NRCAM: variants seen among roughly 807,000 people sequenced by gnomAD.
NRCAM encodes neuronal cell adhesion molecule.
In NRCAM, 83 loss-of-function variants were observed where a neutral mutation model predicts 156.5. The ratio of observed to expected loss-of-function variants is 0.53; its 90% CI spans 0.44 to 0.64. The LOEUF is 0.64. NRCAM is among the 30% of genes least tolerant of loss of function. The pLI is 0.00. For synonymous variants in NRCAM, 538 were observed against 563.9 expected, an observed-to-expected ratio of 0.95 and a Z score of 0.65; for missense variants, 1,417 against 1,597.3, an observed-to-expected ratio of 0.89 and a Z score of 1.92.
intron 22 of NRCAM, among the ~76,000 whole-genome samples, chr7:108,183,748 G>A (rs998442681): frequency 6.6e-6 from 1 of 152,058 alleles, no homozygotes; most frequent in South Asian, 2.1e-4. Flanking sequence ...TGTTGGTCAG[G>A]CTGGTCTCAA....
chr7:108,307,402 AG>A (rs1405654000), intron 3 of NRCAM, among the ~76,000 whole-genome samples: 2 of 152,240 alleles, frequency 1.3e-5, no homozygotes, highest in Non-Finnish European at 2.9e-5. Flanking sequence ...CCATGCTACA[AG>A]AAACAAAACC....
At chr7:108,358,757 C>G (rs962139294) in intron 2 of NRCAM, among the ~76,000 whole-genome samples, 1 of 152,176 alleles carries the variant, frequency 6.6e-6, no homozygotes, top group Non-Finnish European at 1.5e-5. Context: ...ATTAGCAAAA[C>G]GAACTGAGTA....
At chr7:108,248,783 A>G (rs1382822316) in intron 3 of NRCAM, among the ~76,000 whole-genome samples, 1 of 152,162 alleles carries the variant, frequency 6.6e-6, no homozygotes, top group African/African-American at 2.4e-5. Flanking sequence ...CAATCATCAG[A>G]GAGTCTGGGA....
rs1050722368 is a variant in NRCAM, at chr7:108,237,775, T to C, written c.107-6A>G. 2.5e-6 allele frequency: 4 copies of C among 1,593,666 alleles called. No individual in the cohort carries two copies. Among genetic ancestry groups the C allele is most frequent in the Non-Finnish European group, 3.4e-6 (4 of 1,170,448 alleles). On this transcript the variant is annotated splice_polypyrimidine_tract_variant and splice_region_variant and intron_variant, in intron 4 of 32. Transcript: ENST00000379028. Reference sequence around the variant, plus strand: ...ACAGTCTTCAAGAAGTTTTGCTTTTTCCCCATCAATATCAGCAGGTAAGTG... The same window carrying C: ...ACAGTCTTCAAGAAGTTTTGCTTTTCCCCCATCAATATCAGCAGGTAAGTG...
intron 26 of NRCAM, among the ~76,000 whole-genome samples, chr7:108,177,659 ATG>A (rs1460886634): frequency 0.011 from 193 of 17,496 alleles, 2 homozygotes; most frequent in African/African-American, 0.018. Flanking sequence ...ATATATATAT[ATG>A]TATATACGTG....
intron 3 of NRCAM, among the ~76,000 whole-genome samples, chr7:108,247,033 G>A (rs1218947779): frequency 6.6e-6 from 1 of 152,118 alleles, no homozygotes; most frequent in African/African-American, 2.4e-5. Flanking sequence ...ACTAGATGAT[G>A]AGAAGCCAGT....
rs763219275 is a variant in NRCAM, at chr7:108,168,448, C to G, written c.3188-46G>C. On this transcript the variant is annotated intron_variant, in intron 28 of 32. Transcript: ENST00000379028. The stretch of plus-strand genomic sequence containing the variant: ...TAAAACAAACAATCATATTGCAACA[C>G]CATACACACGAATATAAAATAAGTT... 8.7e-6 allele frequency: 13 copies of G among 1,495,938 alleles called. No individual in the cohort carries two copies. The Admixed American group carries it at 2.9e-4, about 34-fold the overall frequency. 92.7% of individuals were successfully genotyped at this position (1,495,938 alleles called of 1,614,324 possible).
chr7:108,395,811 T>A (rs2099775147), intron 2 of NRCAM, among the ~76,000 whole-genome samples: 1 of 152,204 alleles, frequency 6.6e-6, no homozygotes, highest in South Asian at 2.1e-4. Flanking sequence ...CCACCTAATA[T>A]GGTTGCATTC....
rs539167904 is a variant in NRCAM at position 108,327,505 on chromosome 7, A to G, written c.-173-14774T>C. On this transcript the variant is annotated intron_variant, in intron 2 of 32. Coordinates refer to ENST00000379028, the MANE Select transcript of NRCAM (RefSeq NM_001037132.4). Reference sequence around the variant, plus strand: ...CTGTAATAAAAGTCAGATAATGAGTATTTTCAGGGGTGTTTCTAAAGATGC... The same window carrying G: ...CTGTAATAAAAGTCAGATAATGAGTGTTTTCAGGGGTGTTTCTAAAGATGC... Among the ~76,000 whole-genome samples the G allele has an allele frequency of 1.7e-3, 253 of 152,222 alleles. 2 individuals are homozygous for G. Among genetic ancestry groups the G allele is most frequent in the African/African-American group, 5.7e-3 (237 of 41,552 alleles).
intron 30 of NRCAM, among the ~76,000 whole-genome samples, chr7:108,162,995 C>A (rs1282137451): frequency 1.3e-5 from 2 of 152,186 alleles, no homozygotes; most frequent in African/African-American, 4.8e-5. Context: ...CATGATCATG[C>A]ATCACACACA....
intron 11 of NRCAM, among the ~76,000 whole-genome samples, chr7:108,213,405 G>C (rs2085864787): frequency 6.6e-6 from 1 of 151,956 alleles, no homozygotes; most frequent in Non-Finnish European, 1.5e-5. Context: ...TGAATGCAAG[G>C]GTATCTCACA....
Position 108,338,762 on chromosome 7 carries a change from T to C in NRCAM, c.-173-26031A>G, listed in dbSNP as rs148511023. Among the ~76,000 whole-genome samples the C allele has an allele frequency of 6.6e-5, 10 of 152,342 alleles. No individual in the cohort carries two copies. The East Asian group carries it at 1.9e-3, about 29-fold the overall frequency. On this transcript the variant is annotated intron_variant, in intron 2 of 32. Coordinates refer to ENST00000379028, the MANE Select transcript of NRCAM (RefSeq NM_001037132.4). ...AGCCAGGGTAAATTTAAAAAACCTA[T>C]ACTTGATAATTGAAGGTCTTCTCCA... is the stretch of plus-strand genomic sequence containing the variant.
Position 108,347,032 on chromosome 7 carries a change from GTTTTTTTTT to G in NRCAM, c.-173-34310_-173-34302del, listed in dbSNP as rs754160030. On this transcript the variant is annotated intron_variant, in intron 2 of 32. Transcript: ENST00000379028. ...CATATGTGACTCATATTATATTTCT[GTTTTTTTTT>G]TTTTTTTTTTTTTTGAGACAGACTG... Among the ~76,000 whole-genome samples the G allele has an allele frequency of 8.4e-5, 7 of 83,046 alleles. No homozygotes were observed. In the East Asian group the frequency reaches 2.4e-3, roughly 28 times the overall value. 54.5% of individuals were successfully genotyped at this position (83,046 alleles called of 152,430 possible). A position where few individuals can be genotyped will look rare whatever the true frequency, so the allele number is the denominator to read the frequency against.
At chr7:108,322,592 G>A (rs34435921) in intron 2 of NRCAM, among the ~76,000 whole-genome samples, 34,663 of 151,812 alleles carry the variant, frequency 0.23, 4,277 homozygotes, top group African/African-American at 0.28. Flanking sequence ...TTTAAATTAT[G>A]GCTTGGGAGG....
intron 2 of NRCAM, among the ~76,000 whole-genome samples, chr7:108,389,531 AC>A (rs1237742074): frequency 3.3e-5 from 5 of 152,102 alleles, no homozygotes; most frequent in Non-Finnish European, 7.4e-5. Context: ...TCTTTTCCTA[AC>A]TGAATACCCT....
intron 1 of NRCAM, among the ~76,000 whole-genome samples, chr7:108,426,490 A>G (rs185139230): frequency 3.3e-4 from 51 of 152,342 alleles, no homozygotes; most frequent in African/African-American, 1.2e-3. Context: ...TGAAGTCTGC[A>G]CCATTTTTCT....
intron 8 of NRCAM, among the ~76,000 whole-genome samples, chr7:108,227,733 A>G (rs1459831977): frequency 1.3e-5 from 2 of 152,186 alleles, no homozygotes; most frequent in African/African-American, 4.8e-5. Flanking sequence ...AAAAAGTCAC[A>G]CATCCCAGTG....
intron 3 of NRCAM, among the ~76,000 whole-genome samples, chr7:108,293,869 T>G (rs1442805437): frequency 6.6e-6 from 1 of 152,216 alleles, no homozygotes; most frequent in Middle Eastern, 3.2e-3. Context: ...GGTCTTCTAA[T>G]TTTAAACTCA....
At chr7:108,227,631 T>TTA (rs1491289442) in intron 8 of NRCAM, among the ~76,000 whole-genome samples, 1 of 152,146 alleles carries the variant, frequency 6.6e-6, no homozygotes, top group Non-Finnish European at 1.5e-5. Context: ...GAGTTCACAC[T>TTA]TAGCCAGCTA....
Sources: gnomAD v4.1 joint callset for allele counts (sites outside exome capture counted in the v4.1 genomes callset) on GRCh38, gnomAD v4.1.1 for gene constraint, MANE v1.5 for transcripts, NCBI Gene and HGNC (gene_info 2026-07-23, HGNC 2026-07-21) for gene names.